The following LRRC4C variants were observed in gnomAD, a reference collection of about 807,000 sequenced individuals.
LRRC4C encodes leucine rich repeat containing 4C.
A neutral mutation model predicts 33.6 loss-of-function variants in LRRC4C; 5 were observed. The observed-to-expected ratio is 0.15, with a 90% CI of 0.08 to 0.31. The LOEUF (loss-of-function observed/expected upper bound fraction) is 0.31. Ranked by LOEUF, LRRC4C falls within the 10% of genes least tolerant of loss-of-function variation. The pLI is 1.00. For missense variants in LRRC4C, 560 were observed against 796.7 expected (o/e 0.70, Z 3.58); for synonymous variants, 329 against 302.0 (o/e 1.09, Z -0.93).
intron 2 of LRRC4C, among the ~76,000 whole-genome samples, chr11:40,739,287 C>T (rs1041362597): frequency 6.6e-6 from 1 of 151,916 alleles, no homozygotes; most frequent in Non-Finnish European, 1.5e-5. Context: ...TTAGATTGCA[C>T]ATACAAGTAA....
chr11:40,372,729 C>A (rs923431391), intron 3 of LRRC4C, among the ~76,000 whole-genome samples: 2 of 152,046 alleles, frequency 1.3e-5, no homozygotes, highest in African/African-American at 4.8e-5. Context: ...ATGTTGTTAT[C>A]AGGAAGGGCA....
chr11:40,236,590 G>A (rs1865575422), intron 5 of LRRC4C, among the ~76,000 whole-genome samples: 1 of 152,108 alleles, frequency 6.6e-6, no homozygotes, highest in African/African-American at 2.4e-5. Context: ...ACAGAATATA[G>A]TGTGTCGCTT....
chr11:40,722,426 CTA>C (rs909896650), intron 2 of LRRC4C, among the ~76,000 whole-genome samples: 8 of 152,148 alleles, frequency 5.3e-5, no homozygotes, highest in Middle Eastern at 3.2e-3. Flanking sequence ...ACAAAGAAAA[CTA>C]CACTGCTTCA....
At chr11:40,287,007 T>C (rs1209669901) in intron 4 of LRRC4C, among the ~76,000 whole-genome samples, 1 of 152,166 alleles carries the variant, frequency 6.6e-6, no homozygotes, top group African/African-American at 2.4e-5. Context: ...TATATATTTT[T>C]AATTTTGGGA....
At chr11:41,128,564 A>G (rs879489197) in intron 1 of LRRC4C, among the ~76,000 whole-genome samples, 5 of 152,070 alleles carry the variant, frequency 3.3e-5, no homozygotes, top group African/African-American at 4.8e-5. Flanking sequence ...GGGAATGCTG[A>G]CCAATAAGTA....
intron 1 of LRRC4C, among the ~76,000 whole-genome samples, chr11:41,231,224 G>A (rs1258942811): frequency 6.6e-6 from 1 of 152,044 alleles, no homozygotes; most frequent in African/African-American, 2.4e-5. Flanking sequence ...CAGGGATCTA[G>A]AACTAGAAAC....
At chr11:40,482,702 C>T (rs1185842557) in intron 3 of LRRC4C, among the ~76,000 whole-genome samples, 1 of 152,022 alleles carries the variant, frequency 6.6e-6, no homozygotes, top group African/African-American at 2.4e-5. Context: ...AACTCCTGGG[C>T]TCAAGCAATC....
intron 3 of LRRC4C, among the ~76,000 whole-genome samples, chr11:40,614,566 A>G (rs538637047): frequency 5.2e-5 from 6 of 115,892 alleles, no homozygotes; most frequent in South Asian, 2.6e-4. Context: ...TTCTTCAACG[A>G]CTTTTTTTTT....
chr11:41,131,581 G>A (rs1202129488), intron 1 of LRRC4C, among the ~76,000 whole-genome samples: 1 of 152,006 alleles, frequency 6.6e-6, no homozygotes, highest in African/African-American at 2.4e-5. Context: ...ATTTGAACCA[G>A]AGCGACCACA....
chr11:41,093,461 G>T (rs1460437295), intron 1 of LRRC4C, among the ~76,000 whole-genome samples: 8 of 152,140 alleles, frequency 5.3e-5, no homozygotes, highest in Admixed American at 5.2e-4. Context: ...GTATCTTTTG[G>T]CCTAATTTTT....
chr11:40,741,145 G>A (rs756883213), intron 2 of LRRC4C, among the ~76,000 whole-genome samples: 15 of 151,882 alleles, frequency 9.9e-5, no homozygotes, highest in Non-Finnish European at 1.8e-4. Context: ...GCCCTAATAG[G>A]TTCTTCATAC....
At chr11:40,499,970 T>C (rs1954663054) in intron 3 of LRRC4C, among the ~76,000 whole-genome samples, 1 of 152,038 alleles carries the variant, frequency 6.6e-6, no homozygotes, top group Non-Finnish European at 1.5e-5. Flanking sequence ...TTTTTCATGG[T>C]GGGCCCTTAC....
chr11:40,766,555 G>C (rs1949475577), intron 2 of LRRC4C, among the ~76,000 whole-genome samples: 1 of 151,618 alleles, frequency 6.6e-6, no homozygotes, highest in South Asian at 2.1e-4. Flanking sequence ...AACTTTTTAA[G>C]ACTCAGACTA....
intron 1 of LRRC4C, among the ~76,000 whole-genome samples, chr11:41,402,384 G>A (rs1175261511): frequency 1.3e-5 from 2 of 151,958 alleles, no homozygotes; most frequent in African/African-American, 4.8e-5. Context: ...GTTTCTACTG[G>A]TATGGTTAAT....
intron 3 of LRRC4C, among the ~76,000 whole-genome samples, chr11:40,348,116 G>T (rs1947218619): frequency 6.6e-6 from 1 of 152,056 alleles, no homozygotes; most frequent in Admixed American, 6.6e-5. Context: ...TAACATCAAA[G>T]ATCACAGAGC....
At chr11:40,215,501 T>C (rs563510834) in intron 5 of LRRC4C, among the ~76,000 whole-genome samples, 1 of 152,312 alleles carries the variant, frequency 6.6e-6, no homozygotes, top group East Asian at 1.9e-4. Flanking sequence ...TGAAACAGGC[T>C]TTTAAATCAT....
intron 1 of LRRC4C, among the ~76,000 whole-genome samples, chr11:41,202,426 T>G (rs1309495785): frequency 6.6e-6 from 1 of 152,196 alleles, no homozygotes; most frequent in East Asian, 1.9e-4. Flanking sequence ...TTGTATTAAC[T>G]ACATAAATAT....
chr11:40,348,563 C>T (rs912005306), intron 3 of LRRC4C, among the ~76,000 whole-genome samples: 7 of 152,070 alleles, frequency 4.6e-5, no homozygotes, highest in African/African-American at 1.7e-4. Context: ...GACTTATTTT[C>T]GCTTGTAGTA....
Position 40,898,366 on chromosome 11 carries a change from A to AAAAAAAAAAAG in LRRC4C, c.-407+35268_-407+35269insCTTTTTTTTTT, listed in dbSNP as rs1554991246. Among the ~76,000 whole-genome samples the AAAAAAAAAAAG allele has an allele frequency of 3.4e-5, 4 of 117,468 alleles. 1 individual carries two copies. In the Admixed American group the frequency reaches 4.4e-4, roughly 13 times the overall value. The allele number at this position is 117,468 out of a possible 152,430, so 77.1% of individuals were successfully genotyped here. A position where few individuals can be genotyped will look rare whatever the true frequency, so the allele number is the denominator to read the frequency against. On this transcript the variant is annotated intron_variant, in intron 2 of 6. Coordinates refer to ENST00000528697, the MANE Select transcript of LRRC4C (RefSeq NM_001258419.2). ...GAAACTCCATCTCAAAAAAAAAAAA[A>AAAAAAAAAAAG]AAAAAAGAAAAAAGAAATGTAAGCT...
Sources: gnomAD v4.1 joint callset for allele counts (sites outside exome capture counted in the v4.1 genomes callset) on GRCh38, gnomAD v4.1.1 for gene constraint, MANE v1.5 for transcripts, NCBI Gene and HGNC (gene_info 2026-07-23, HGNC 2026-07-21) for gene names.